Variants in NAALADL2 observed in about 807,000 individuals in gnomAD.
NAALADL2 encodes the protein N-acetylated alpha-linked acidic dipeptidase like 2.
Under a neutral mutation model 87.2 loss-of-function variants are expected in NAALADL2, and 76 were observed. That is an observed-to-expected ratio of 0.87 (90% CI 0.72 to 1.05). The LOEUF (loss-of-function observed/expected upper bound fraction) is 1.05. Ranked by LOEUF, NAALADL2 falls within the 50% of genes least tolerant of loss-of-function variation. The pLI is 0.00. For synonymous variants in NAALADL2, 354 were observed against 331.0 expected, an observed-to-expected ratio of 1.07 and a Z score of -0.75; for missense variants, 1,089 against 945.8, an observed-to-expected ratio of 1.15 and a Z score of -1.99.
intron 9 of NAALADL2, among the ~76,000 whole-genome samples, chr3:175,480,254 G>A (rs9860714): frequency 0.6 from 91,164 of 151,432 alleles, 29,481 homozygotes; most frequent in East Asian, 0.89. Context: ...AACATTGGTG[G>A]AATACAAGAA....
chr3:175,743,331 G>C lies in NAALADL2; in HGVS notation c.1990+5932G>C, dbSNP rs554962648. Among the ~76,000 whole-genome samples the C allele has an allele frequency of 2.6e-5, 4 of 152,268 alleles. No individual in the cohort carries two copies. The East Asian group carries it at 7.7e-4, about 29-fold the overall frequency. On this transcript the variant is annotated intron_variant, in intron 12 of 13. Transcript: ENST00000454872. ...AATTCTTTTATGGCAGGCTTCAGGG[G>C]AGAGGGCCAGGAGAAGGTCAGAGAC...
chr3:175,160,207 G>C (rs1732944494), intron 2 of NAALADL2, among the ~76,000 whole-genome samples: 1 of 151,514 alleles, frequency 6.6e-6, no homozygotes, highest in Non-Finnish European at 1.5e-5. Context: ...TGGTAGTTTT[G>C]ATTATATAAT....
chr3:175,694,629 GT>G (rs1448254372), intron 11 of NAALADL2, among the ~76,000 whole-genome samples: 3 of 152,042 alleles, frequency 2.0e-5, no homozygotes, highest in Non-Finnish European at 4.4e-5. Context: ...TCTATAATGG[GT>G]TCCTGGAGAT....
chr3:174,910,322 A>G (rs1313333211), intron 1 of NAALADL2, among the ~76,000 whole-genome samples: 2 of 152,102 alleles, frequency 1.3e-5, no homozygotes, highest in African/African-American at 4.8e-5. Flanking sequence ...GTATAACTAT[A>G]TATTTTAAAA....
intron 2 of NAALADL2, among the ~76,000 whole-genome samples, chr3:174,719,772 T>G (rs1365483877): frequency 1.3e-5 from 2 of 152,218 alleles, no homozygotes; most frequent in African/African-American, 2.4e-5. Context: ...TCAGTAAAGC[T>G]GACTGAATTT....
chr3:175,046,268 G>C (rs1007942827), intron 1 of NAALADL2, among the ~76,000 whole-genome samples: 1 of 152,066 alleles, frequency 6.6e-6, no homozygotes, highest in Non-Finnish European at 1.5e-5. Context: ...CTTTGGATGG[G>C]CTTGAGATGG....
chr3:175,594,122 G>T (rs577741511), intron 10 of NAALADL2, among the ~76,000 whole-genome samples: 3 of 152,112 alleles, frequency 2.0e-5, no homozygotes, highest in Admixed American at 2.0e-4. Context: ...CCAATAGGTA[G>T]GTTTTCAACC....
intron 2 of NAALADL2, among the ~76,000 whole-genome samples, chr3:175,154,406 GA>G (rs1324421720): frequency 1.5e-4 from 23 of 152,102 alleles, no homozygotes; most frequent in African/African-American, 5.6e-4. Context: ...AGATTTTAAA[GA>G]ACAGATTATC....
intron 5 of NAALADL2, among the ~76,000 whole-genome samples, chr3:175,435,780 C>T (rs185147567): frequency 6.6e-5 from 10 of 151,388 alleles, no homozygotes; most frequent in African/African-American, 1.7e-4. Flanking sequence ...ACTGATGATC[C>T]GTACCTATGG....
intron 3 of NAALADL2, among the ~76,000 whole-genome samples, chr3:174,762,221 G>A (rs551210436): frequency 6.7e-6 from 1 of 148,554 alleles, no homozygotes; most frequent in African/African-American, 2.5e-5. Flanking sequence ...GTGCAGTGGC[G>A]CCATCTCAGC....
At chr3:175,020,994 T>A (rs1751485386) in intron 1 of NAALADL2, among the ~76,000 whole-genome samples, 1 of 152,082 alleles carries the variant, frequency 6.6e-6, no homozygotes, top group Non-Finnish European at 1.5e-5. Context: ...ATTTTCAGAA[T>A]GCTGACTACA....
intron 8 of NAALADL2, among the ~76,000 whole-genome samples, chr3:175,470,725 T>A (rs1400322389): frequency 6.6e-6 from 1 of 152,114 alleles, no homozygotes; most frequent in Non-Finnish European, 1.5e-5. Flanking sequence ...TCCTTCTTAA[T>A]AGGATCAGTG....
chr3:175,573,443 A>G (rs989317684), intron 9 of NAALADL2, among the ~76,000 whole-genome samples: 1 of 152,232 alleles, frequency 6.6e-6, no homozygotes, highest in Non-Finnish European at 1.5e-5. Flanking sequence ...CACAAATTCA[A>G]ATACCTCTGG....
At chr3:175,054,491 A>AT (rs1459135442) in intron 1 of NAALADL2, among the ~76,000 whole-genome samples, 1 of 152,082 alleles carries the variant, frequency 6.6e-6, no homozygotes, top group Middle Eastern at 3.2e-3. Context: ...CATTTACCTC[A>AT]TTTTTTCTTA....
At chr3:175,499,839 T>C (rs887479673) in intron 9 of NAALADL2, among the ~76,000 whole-genome samples, 1 of 152,066 alleles carries the variant, frequency 6.6e-6, no homozygotes, top group Non-Finnish European at 1.5e-5. Flanking sequence ...AAGCCTGCTA[T>C]GTATTTTCTT....
intron 11 of NAALADL2, among the ~76,000 whole-genome samples, chr3:175,729,778 T>TG (rs35479986): frequency 0.22 from 32,678 of 150,844 alleles, 3,696 homozygotes; most frequent in Middle Eastern, 0.31. Flanking sequence ...GTTTTTTTTT[T>TG]TTTTTTCACA....
At chr3:175,234,230 T>C in intron 3 of NAALADL2, 26 bp downstream of exon 3, 1 of 1,599,700 alleles carries the variant, frequency 6.3e-7, no homozygotes, top group Admixed American at 1.7e-5. Flanking sequence ...GTCTCTGTCA[T>C]TTACAGTGAG....
intron 11 of NAALADL2, among the ~76,000 whole-genome samples, chr3:175,722,081 C>G (rs569618725): frequency 3.9e-5 from 6 of 151,978 alleles, no homozygotes; most frequent in Admixed American, 3.3e-4. Context: ...GTAAAAGTAA[C>G]GTATTGAGAG....
chr3:175,457,019 C>T (rs1416320035), intron 6 of NAALADL2, among the ~76,000 whole-genome samples: 2 of 152,054 alleles, frequency 1.3e-5, no homozygotes, highest in African/African-American at 4.8e-5. Context: ...AACAGTAATA[C>T]TACAGAGTGA....
Sources: allele counts gnomAD v4.1 joint callset (sites outside exome capture counted in the v4.1 genomes callset), GRCh38; gene constraint gnomAD v4.1.1; transcripts MANE v1.5; gene names NCBI Gene and HGNC (gene_info 2026-07-23, HGNC 2026-07-21).